The following TJP1 variants were observed in gnomAD, a reference collection of about 807,000 sequenced individuals.
TJP1 encodes tight junction protein 1, also known as tight junction protein ZO-1.
In TJP1, 43 loss-of-function variants were observed where a neutral mutation model predicts 194.2. That is an observed-to-expected ratio of 0.22 (90% CI 0.17 to 0.29). The LOEUF (loss-of-function observed/expected upper bound fraction) is 0.29. Ranked by LOEUF, TJP1 falls within the 10% of genes least tolerant of loss-of-function variation. TJP1 has a pLI of 1.00. For synonymous variants in TJP1, 801 were observed against 779.0 expected, an observed-to-expected ratio of 1.03 and a Z score of -0.47; for missense variants, 1,971 against 2,185.7, an observed-to-expected ratio of 0.90 and a Z score of 1.96.
chr15:29,730,808 T>G, intron 15 of TJP1: 1 of 821,562 alleles, frequency 1.2e-6, no homozygotes, highest in Non-Finnish European at 2.2e-6. Context: ...CTGCTAAACC[T>G]GCTCCTCCAA....
At chr15:29,760,080 T>A in intron 8 of TJP1, 2 of 560,966 alleles carry the variant, frequency 3.6e-6, no homozygotes, top group East Asian at 3.0e-5. Flanking sequence ...TACATTCTCA[T>A]CAACAACGTA....
intron 18 of TJP1, among the ~76,000 whole-genome samples, chr15:29,723,073 G>A (rs1256520698): frequency 6.6e-6 from 1 of 152,166 alleles, no homozygotes; most frequent in Non-Finnish European, 1.5e-5. Flanking sequence ...GACTAGCCTT[G>A]TCTCAGATGA....
At chr15:29,916,545 G>A (rs1229830473) in intron 2 of TJP1, among the ~76,000 whole-genome samples, 3 of 152,020 alleles carry the variant, frequency 2.0e-5, no homozygotes, top group South Asian at 4.1e-4. Context: ...ACAATAGAAA[G>A]CCAAAATGGA....
At chr15:29,950,520 A>C (rs961979146) in intron 2 of TJP1, among the ~76,000 whole-genome samples, 1 of 151,968 alleles carries the variant, frequency 6.6e-6, no homozygotes, top group South Asian at 2.1e-4. Context: ...TAACCACTCA[A>C]TCATCACCGT....
intron 4 of TJP1, 36 bp from the exon 5 acceptor site, chr15:29,766,578 A>T: frequency 6.6e-7 from 1 of 1,516,538 alleles, no homozygotes; most frequent in Non-Finnish European, 8.8e-7. Context: ...AAGTTGACTG[A>T]TTTTCATATA....
At chr15:29,951,292 C>CA (rs1335074975) in intron 2 of TJP1, among the ~76,000 whole-genome samples, 1 of 151,954 alleles carries the variant, frequency 6.6e-6, no homozygotes, top group African/African-American at 2.4e-5. Flanking sequence ...CTCAGCCTCC[C>CA]AAGTAGCTGG....
intron 2 of TJP1, among the ~76,000 whole-genome samples, chr15:29,912,695 C>CAAAAAAAAAAA (rs71103416): frequency 4.5e-4 from 29 of 64,956 alleles, no homozygotes; most frequent in African/African-American, 2.2e-3. Context: ...GACTCTGTCT[C>CAAAAAAAAAAA]AAAAAAAAAA....
At chr15:29,833,882 T>TATATATATATATATATATATATA (rs67819417) in intron 2 of TJP1, among the ~76,000 whole-genome samples, 1 of 7,972 alleles carries the variant, frequency 1.3e-4, no homozygotes, top group South Asian at 6.3e-3. Context: ...TATATATATA[T>TATATATATATATATATATATATA]TTTTTTTTTT....
chr15:29,892,006 C>T (rs888360630), intron 2 of TJP1, among the ~76,000 whole-genome samples: 11 of 152,180 alleles, frequency 7.2e-5, no homozygotes, highest in Admixed American at 2.6e-4. Flanking sequence ...AGATGAAATA[C>T]GCTGAAAGCT....
chr15:29,706,234 GAAT>G (rs1160864568), intron 25 of TJP1, among the ~76,000 whole-genome samples: 6 of 152,134 alleles, frequency 3.9e-5, no homozygotes, highest in Admixed American at 3.9e-4. Context: ...CGCCTGGCGA[GAAT>G]ATTATTTCTA....
chr15:29,928,972 C>T (rs2054616632), intron 2 of TJP1, among the ~76,000 whole-genome samples: 1 of 152,000 alleles, frequency 6.6e-6, no homozygotes, highest in Admixed American at 6.6e-5. Context: ...CACACACACA[C>T]TTGTCTCAAT....
chr15:29,742,548 T>A, intron 9 of TJP1, 94 bp downstream of exon 9: 1 of 1,358,348 alleles, frequency 7.4e-7, no homozygotes, highest in Non-Finnish European at 9.7e-7. Context: ...ATGAGAAGAA[T>A]AATAATTGCA....
intron 2 of TJP1, among the ~76,000 whole-genome samples, chr15:29,784,552 C>T (rs1200375676): frequency 1.3e-5 from 2 of 152,184 alleles, no homozygotes; most frequent in South Asian, 2.1e-4. Context: ...GATCCATCCC[C>T]GGCTTCCAAA....
At chr15:29,799,538 C>T (rs1285104709) in intron 2 of TJP1, among the ~76,000 whole-genome samples, 1 of 151,910 alleles carries the variant, frequency 6.6e-6, no homozygotes, top group Non-Finnish European at 1.5e-5. Context: ...CCTCAGCCTC[C>T]CGAGTAGCTG....
In TJP1 at chr15:29,700,246, T is replaced by C; in HGVS notation, c.*1349A>G. 1 of 398,936 alleles carries C rather than the reference T, an allele frequency of 2.5e-6. No individual in the cohort carries two copies. The highest frequency in any genetic ancestry group is 3.6e-5 in the East Asian group (1 of 28,050). 24.7% of individuals were successfully genotyped at this position (398,936 alleles called of 1,614,324 possible). A position where few individuals can be genotyped will look rare whatever the true frequency, so the allele number is the denominator to read the frequency against. On this transcript the variant is annotated 3_prime_UTR_variant, in exon 28 of 28. Coordinates refer to ENST00000614355, the MANE Select transcript of TJP1 (RefSeq NM_001330239.4). Reference sequence around the variant, plus strand: ...GTCACACCTAATGATTAACAGAATGTAGTGGTGTATTATCTAAACAGAAAT... The same window carrying C: ...GTCACACCTAATGATTAACAGAATGCAGTGGTGTATTATCTAAACAGAAAT...
At chr15:29,778,727 A>G (rs1237587492) in intron 2 of TJP1, among the ~76,000 whole-genome samples, 2 of 152,100 alleles carry the variant, frequency 1.3e-5, no homozygotes, top group South Asian at 2.1e-4. Context: ...ATGGCTTAAC[A>G]TCTCCTCTCT....
intron 15 of TJP1, among the ~76,000 whole-genome samples, chr15:29,730,303 T>G (rs911228338): frequency 6.6e-6 from 1 of 151,988 alleles, no homozygotes. Context: ...AAAACAAAAC[T>G]GGGTACAGTG....
intron 2 of TJP1, among the ~76,000 whole-genome samples, chr15:29,949,610 T>A (rs1175717131): frequency 3.5e-4 from 8 of 22,946 alleles, no homozygotes; most frequent in Non-Finnish European, 5.1e-4. Flanking sequence ...CACCTCCACC[T>A]TCACCACCAC....
At chr15:29,833,146 A>G (rs1192264965) in intron 2 of TJP1, among the ~76,000 whole-genome samples, 3 of 152,342 alleles carry the variant, frequency 2.0e-5, no homozygotes, top group African/African-American at 4.8e-5. Flanking sequence ...AAAAAGTTCT[A>G]TATAGAAGCC....
Sources: gnomAD v4.1 joint callset for allele counts (sites outside exome capture counted in the v4.1 genomes callset) on GRCh38, gnomAD v4.1.1 for gene constraint, MANE v1.5 for transcripts, NCBI Gene and HGNC (gene_info 2026-07-23, HGNC 2026-07-21) for gene names.